The following FTO variants were observed in gnomAD, a reference collection of about 807,000 sequenced individuals.
FTO encodes the protein alpha-ketoglutarate-dependent dioxygenase FTO.
A neutral mutation model predicts 63.9 loss-of-function variants in FTO; 47 were observed. That is an observed-to-expected ratio of 0.74 (90% CI 0.58 to 0.94). The LOEUF is 0.94. FTO is among the 40% of genes least tolerant of loss of function. The pLI is 0.00. For missense variants in FTO, 562 were observed against 618.1 expected, an observed-to-expected ratio of 0.91 and a Z score of 0.96; for synonymous variants, 207 against 224.4, an observed-to-expected ratio of 0.92 and a Z score of 0.69.
At position 54,121,689 on chromosome 16, in the gene FTO, A is replaced by G. The variant is rs1567584346; in HGVS notation, c.*9774A>G. On this transcript the variant is annotated 3_prime_UTR_variant, in exon 9 of 9. Coordinates refer to ENST00000471389, the MANE Select transcript of FTO (RefSeq NM_001080432.3). ...AGTGCGAAGATTATTCCAATGCCTCATTCGGAGAGGTGATAATCTGGTCTG... is the reference window on the plus strand; with the variant it reads ...AGTGCGAAGATTATTCCAATGCCTCGTTCGGAGAGGTGATAATCTGGTCTG... 1 of 152,300 alleles carries G rather than the reference A, an allele frequency of 6.6e-6. No homozygotes were observed. The highest frequency in any genetic ancestry group is 1.9e-4 in the East Asian group (1 of 5,170). 9.4% of individuals were successfully genotyped at this position (152,300 alleles called of 1,614,324 possible).
chr16:54,076,546 C>T (rs767773445), intron 8 of FTO, among the ~76,000 whole-genome samples: 1 of 151,962 alleles, frequency 6.6e-6, no homozygotes, highest in Non-Finnish European at 1.5e-5. Flanking sequence ...GTGTCTTTTG[C>T]GTTTTATATA....
At chr16:53,763,930 G>GA (rs1330245261) in intron 1 of FTO, among the ~76,000 whole-genome samples, 1 of 152,164 alleles carries the variant, frequency 6.6e-6, no homozygotes, top group Non-Finnish European at 1.5e-5. Context: ...CGATGCCCTG[G>GA]AAAGAATCGG....
chr16:53,808,313 G>T (rs1004598092), intron 1 of FTO, among the ~76,000 whole-genome samples: 1 of 150,956 alleles, frequency 6.6e-6, no homozygotes, highest in Non-Finnish European at 1.5e-5. Flanking sequence ...CAGCCTGTGG[G>T]ACAGAATGAA....
intron 2 of FTO, among the ~76,000 whole-genome samples, chr16:53,823,512 A>G (rs1241580826): frequency 3.5e-5 from 2 of 57,610 alleles, no homozygotes; most frequent in African/African-American, 1.4e-4. Flanking sequence ...CGCCCACCAT[A>G]TTTTCACCTG....
intron 8 of FTO, among the ~76,000 whole-genome samples, chr16:54,047,064 G>T (rs1319243043): frequency 6.8e-6 from 1 of 146,346 alleles, no homozygotes; most frequent in Non-Finnish European, 1.5e-5. Flanking sequence ...AGGACTTCAT[G>T]TCCAAAACAC....
At chr16:54,058,867 T>C (rs1210589346) in intron 8 of FTO, among the ~76,000 whole-genome samples, 1 of 152,196 alleles carries the variant, frequency 6.6e-6, no homozygotes, top group Admixed American at 6.5e-5. Context: ...ACTGTGTCTA[T>C]TTTTGTTGTG....
At chr16:53,798,549 A>G (rs540714639) in intron 1 of FTO, among the ~76,000 whole-genome samples, 86 of 152,296 alleles carry the variant, frequency 5.6e-4, no homozygotes, top group African/African-American at 1.9e-3. Context: ...ATTTAAAAAA[A>G]CTTCAATTTC....
intron 8 of FTO, chr16:53,984,904 G>A (rs774243955): frequency 5.9e-5 from 27 of 455,248 alleles, no homozygotes; most frequent in Admixed American, 3.3e-4. Context: ...TTCAGGACAC[G>A]GAGTAAAATG....
chr16:54,063,748 A>G (rs1371243337), intron 8 of FTO: 1 of 141,408 alleles, frequency 7.1e-6, no homozygotes, highest in South Asian at 2.2e-4. Flanking sequence ...ATGCGTAGCT[A>G]TATCGGGGAT....
chr16:53,841,325 G>A (rs2079471062), intron 3 of FTO, among the ~76,000 whole-genome samples: 1 of 147,652 alleles, frequency 6.8e-6, no homozygotes, highest in Admixed American at 6.9e-5. Flanking sequence ...ATTAACCTAG[G>A]AAATGGCTTT....
intron 7 of FTO, among the ~76,000 whole-genome samples, chr16:53,913,434 T>G (rs1332399299): frequency 6.6e-6 from 1 of 152,200 alleles, no homozygotes; most frequent in Admixed American, 6.5e-5. Flanking sequence ...CCCTGGAGCA[T>G]GAAACTGTTC....
intron 1 of FTO, among the ~76,000 whole-genome samples, chr16:53,789,798 ATACATGTG>A (rs931044034): frequency 8.6e-5 from 13 of 150,368 alleles, no homozygotes; most frequent in African/African-American, 3.2e-4. Flanking sequence ...GTATGTATGT[ATACATGTG>A]TACATGTATA....
intron 8 of FTO, among the ~76,000 whole-genome samples, chr16:54,035,339 C>G (rs1473218200): frequency 1.3e-5 from 2 of 152,170 alleles, no homozygotes; most frequent in Non-Finnish European, 2.9e-5. Context: ...GGTTCTGGCC[C>G]CTCAGTTTGG....
intron 7 of FTO, among the ~76,000 whole-genome samples, chr16:53,900,608 CTTTTT>C (rs752080961): frequency 6.8e-4 from 46 of 67,186 alleles, no homozygotes; most frequent in African/African-American, 2.8e-3. Context: ...TCATCTGCTC[CTTTTT>C]TTTTTTTTTT....
chr16:53,814,309 A>G (rs891458559), intron 2 of FTO, among the ~76,000 whole-genome samples: 8 of 152,188 alleles, frequency 5.3e-5, no homozygotes, highest in African/African-American at 1.9e-4. Context: ...ATATGAATGC[A>G]GCCCCTTTTA....
intron 1 of FTO, among the ~76,000 whole-genome samples, chr16:53,804,414 T>C (rs552239758): frequency 6.6e-6 from 1 of 152,160 alleles, no homozygotes; most frequent in African/African-American, 2.4e-5. Context: ...TGGTACCGCA[T>C]CGAGGAAGTG....
In FTO at chr16:53,984,321, C is replaced by CCTTTTTTTTTTTTTTT. The variant is rs1555500067; in HGVS notation, c.1364+50212_1364+50213insCTTTTTTTTTTTTTTT. Among the ~76,000 whole-genome samples the CCTTTTTTTTTTTTTTT allele has an allele frequency of 3.0e-5, 2 of 67,290 alleles. 1 individual carries two copies. Among genetic ancestry groups the CCTTTTTTTTTTTTTTT allele is most frequent in the Non-Finnish European group, 5.7e-5 (2 of 35,266 alleles). 44.1% of individuals were successfully genotyped at this position (67,290 alleles called of 152,430 possible). A position where few individuals can be genotyped will look rare whatever the true frequency, so the allele number is the denominator to read the frequency against. Reference sequence around the variant, plus strand: ...CCTCTATCCCTCCCTTGGAATGGGTCTTTTTTTTTTTTTTTTTTTTTTTTT... The same window carrying CCTTTTTTTTTTTTTTT: ...CCTCTATCCCTCCCTTGGAATGGGTCCTTTTTTTTTTTTTTTTTTTTTTTTTTTTTTTTTTTTTTTT... On this transcript the variant is annotated intron_variant, in intron 8 of 8. Transcript: ENST00000471389.
At chr16:53,904,893 A>G (rs1035280626) in intron 7 of FTO, among the ~76,000 whole-genome samples, 17 of 151,930 alleles carry the variant, frequency 1.1e-4, no homozygotes, top group Admixed American at 1.0e-3. Flanking sequence ...CTGCTTGGCT[A>G]TGGAACTGCA....
At chr16:53,997,165 AAGAG>A (rs2083952859) in intron 8 of FTO, among the ~76,000 whole-genome samples, 1 of 147,074 alleles carries the variant, frequency 6.8e-6, no homozygotes, top group Admixed American at 6.8e-5. Flanking sequence ...AGAGAGAGAA[AAGAG>A]AGAGGGAGAG....
Sources: gnomAD v4.1 joint callset for allele counts (sites outside exome capture counted in the v4.1 genomes callset) on GRCh38, gnomAD v4.1.1 for gene constraint, MANE v1.5 for transcripts, NCBI Gene and HGNC (gene_info 2026-07-23, HGNC 2026-07-21) for gene names.